Variants in LRMDA observed in about 807,000 individuals in gnomAD.
The protein encoded by LRMDA is leucine rich melanocyte differentiation associated, also known as leucine-rich melanocyte differentiation-associated protein.
Under a neutral mutation model 29.8 loss-of-function variants are expected in LRMDA, and 18 were observed. The ratio of observed to expected loss-of-function variants is 0.60; its 90% CI spans 0.42 to 0.90. LRMDA has a LOEUF of 0.90. Ranked by LOEUF, LRMDA falls within the 40% of genes least tolerant of loss-of-function variation. The pLI is 0.00. For missense variants in LRMDA, 273 were observed against 273.9 expected (o/e 1.00, Z 0.02); for synonymous variants, 125 against 109.4 (o/e 1.14, Z -0.89).
intron 2 of LRMDA, among the ~76,000 whole-genome samples, chr10:75,461,659 A>T (rs1844587115): frequency 1.3e-5 from 2 of 152,190 alleles, no homozygotes; most frequent in African/African-American, 4.8e-5. Flanking sequence ...GAGCATCTTG[A>T]TACAAGCCTG....
rs796289608 is a variant in LRMDA, at chr10:75,761,794, G to GT, written c.132-274201dup. 8.3e-3 allele frequency among the ~76,000 whole-genome samples: 1,006 copies of GT among 121,220 alleles called. 6 individuals are homozygous for GT. The highest frequency in any genetic ancestry group is 0.019 in the African/African-American group (547 of 29,096). The allele number at this position is 121,220 out of a possible 152,430, so 79.5% of individuals were successfully genotyped here. ...TTCCCTGAGATTTTGGTATACTTTT[G>GT]TTTTTTTTTTTTTGTTTTTTTTTTT... On this transcript the variant is annotated intron_variant, in intron 2 of 6. Transcript: ENST00000611255.
chr10:76,159,578 G>A (rs967616879), intron 5 of LRMDA, among the ~76,000 whole-genome samples: 4 of 152,118 alleles, frequency 2.6e-5, no homozygotes, highest in African/African-American at 4.8e-5. Flanking sequence ...AGAAACTTGC[G>A]TTCAGGTGCT....
chr10:75,434,510 A>G (rs1238952763), intron 1 of LRMDA, among the ~76,000 whole-genome samples: 2 of 152,250 alleles, frequency 1.3e-5, no homozygotes, highest in Non-Finnish European at 2.9e-5. Context: ...CAACACAGCT[A>G]GCAGTGGCAG....
intron 2 of LRMDA, among the ~76,000 whole-genome samples, chr10:75,646,085 C>T (rs556486077): frequency 6.6e-6 from 1 of 151,576 alleles, no homozygotes; most frequent in South Asian, 2.1e-4. Context: ...TCTTCTCTCC[C>T]TCCCCCCACA....
chr10:75,514,684 C>T (rs1003618865), intron 2 of LRMDA, among the ~76,000 whole-genome samples: 3 of 152,140 alleles, frequency 2.0e-5, no homozygotes, highest in African/African-American at 7.2e-5. Flanking sequence ...TCCTCTTGCT[C>T]CTTTGTCTTG....
intron 2 of LRMDA, among the ~76,000 whole-genome samples, chr10:75,811,153 C>T (rs987397688): frequency 6.6e-6 from 1 of 152,090 alleles, no homozygotes; most frequent in Non-Finnish European, 1.5e-5. Context: ...GATATCTTCC[C>T]TTCTTAATAG....
intron 5 of LRMDA, among the ~76,000 whole-genome samples, chr10:76,164,954 G>GGTTT (rs550740246): frequency 6.6e-6 from 1 of 151,968 alleles, no homozygotes; most frequent in Non-Finnish European, 1.5e-5. Flanking sequence ...AAGAAAAGAG[G>GGTTT]GTTTGTTTGT....
chr10:75,744,480 A>T (rs916093150), intron 2 of LRMDA, among the ~76,000 whole-genome samples: 2 of 152,176 alleles, frequency 1.3e-5, no homozygotes, highest in African/African-American at 4.8e-5. Flanking sequence ...TGTCTACTTG[A>T]GTGAACCACA....
At chr10:75,641,847 G>C (rs1390352632) in intron 2 of LRMDA, among the ~76,000 whole-genome samples, 3 of 152,144 alleles carry the variant, frequency 2.0e-5, no homozygotes, top group Non-Finnish European at 1.5e-5. Context: ...AGGAATTTGA[G>C]TCCAGCTCAG....
At chr10:76,350,233 G>C (rs1237997833) in intron 6 of LRMDA, among the ~76,000 whole-genome samples, 1 of 151,572 alleles carries the variant, frequency 6.6e-6, no homozygotes, top group Non-Finnish European at 1.5e-5. Flanking sequence ...TTATTTCTAA[G>C]CTTGGTAATG....
At chr10:75,622,189 T>C (rs937141980) in intron 2 of LRMDA, among the ~76,000 whole-genome samples, 1 of 152,154 alleles carries the variant, frequency 6.6e-6, no homozygotes, top group Admixed American at 6.5e-5. Flanking sequence ...TTAGAGATGA[T>C]GGTATAAGAA....
chr10:75,773,053 G>A (rs1241649732), intron 2 of LRMDA, among the ~76,000 whole-genome samples: 41 of 152,316 alleles, frequency 2.7e-4, no homozygotes, highest in South Asian at 2.1e-4. Context: ...TATCGTGAAT[G>A]TCTATATTCA....
intron 6 of LRMDA, among the ~76,000 whole-genome samples, chr10:76,411,912 G>A (rs563392752): frequency 3.2e-4 from 48 of 152,332 alleles, no homozygotes; most frequent in Non-Finnish European, 6.0e-4. Flanking sequence ...AGATGGAGGC[G>A]CTGGCCTTCA....
intron 2 of LRMDA, among the ~76,000 whole-genome samples, chr10:75,753,906 C>A (rs1390891945): frequency 1.3e-5 from 2 of 152,120 alleles, no homozygotes; most frequent in Non-Finnish European, 2.9e-5. Flanking sequence ...TGAAGAGATT[C>A]AGGCTGTATT....
rs547742611 is a variant in LRMDA at position 76,351,104 on chromosome 10, A to G, written c.601+26619A>G. Among the ~76,000 whole-genome samples, 8 of 152,256 alleles carry G rather than the reference A, an allele frequency of 5.3e-5. No individual in the cohort carries two copies. The South Asian group carries it at 1.7e-3, about 32-fold the overall frequency. ...GATCAGTTAAATGTAGTCAAAGGCA[A>G]TTTAGTGTGTTCTGGCACCAGCACT... is the stretch of plus-strand genomic sequence containing the variant. On this transcript the variant is annotated intron_variant, in intron 6 of 6. Transcript: ENST00000611255.
At chr10:76,051,038 G>A (rs1445867944) in intron 4 of LRMDA, among the ~76,000 whole-genome samples, 1 of 152,124 alleles carries the variant, frequency 6.6e-6, no homozygotes, top group African/African-American at 2.4e-5. Flanking sequence ...TATTTAAAAC[G>A]TGACACCCTT....
intron 2 of LRMDA, among the ~76,000 whole-genome samples, chr10:75,594,249 C>T (rs1002742026): frequency 6.6e-6 from 1 of 152,192 alleles, no homozygotes; most frequent in Non-Finnish European, 1.5e-5. Context: ...GGATGCTGCT[C>T]AGAGGCCTAG....
chr10:76,083,918 C>T (rs900223483), intron 5 of LRMDA, among the ~76,000 whole-genome samples: 3 of 151,782 alleles, frequency 2.0e-5, no homozygotes, highest in African/African-American at 7.3e-5. Context: ...TTCCCAAGCT[C>T]ATTTGACCAT....
intron 2 of LRMDA, among the ~76,000 whole-genome samples, chr10:75,747,191 T>C (rs909349442): frequency 6.6e-6 from 1 of 152,214 alleles, no homozygotes; most frequent in Admixed American, 6.5e-5. Flanking sequence ...AATTTAATTT[T>C]TCGTATCTTT....
Sources: allele counts gnomAD v4.1 joint callset (sites outside exome capture counted in the v4.1 genomes callset), GRCh38; gene constraint gnomAD v4.1.1; transcripts MANE v1.5; gene names NCBI Gene and HGNC (gene_info 2026-07-23, HGNC 2026-07-21).